The following SEC24C variants were observed in gnomAD, a reference collection of about 807,000 sequenced individuals.
SEC24C encodes SEC24 homolog C, COPII component, also known as protein transport protein Sec24C.
A neutral mutation model predicts 117.0 loss-of-function variants in SEC24C; 22 were observed. The ratio of observed to expected loss-of-function variants is 0.19; its 90% CI spans 0.13 to 0.27. SEC24C has a LOEUF of 0.27. SEC24C is among the 10% of genes least tolerant of loss of function. SEC24C has a pLI of 1.00. For synonymous variants in SEC24C, 506 were observed against 529.4 expected, an observed-to-expected ratio of 0.96 and a Z score of 0.61; for missense variants, 1,155 against 1,375.1, an observed-to-expected ratio of 0.84 and a Z score of 2.53.
rs2082991565 is a variant in SEC24C at position 73,771,969 on chromosome 10, T to C, written c.*874T>C. ...CTGGGACACCGCTTGGGCTTTGGTATTGACTGAGTGGCTGACAGTTATCTT... is the reference window on the plus strand; with the variant it reads ...CTGGGACACCGCTTGGGCTTTGGTACTGACTGAGTGGCTGACAGTTATCTT... On this transcript the variant is annotated 3_prime_UTR_variant, in exon 23 of 23. Coordinates refer to ENST00000345254, the MANE Select transcript of SEC24C (RefSeq NM_198597.3). 4.7e-6 allele frequency: 1 copy of C among 211,278 alleles called. No individual in the cohort carries two copies. Among genetic ancestry groups the C allele is most frequent in the Non-Finnish European group, 9.4e-6 (1 of 106,880 alleles). 13.1% of individuals were successfully genotyped at this position (211,278 alleles called of 1,614,324 possible).
chr10:73,765,174 T>C (rs1022205738), intron 8 of SEC24C, among the ~76,000 whole-genome samples: 17 of 152,254 alleles, frequency 1.1e-4, no homozygotes, highest in African/African-American at 3.9e-4. Context: ...TGGCAGCCCC[T>C]AGTCTGATAT....
chr10:73,747,655 ATTTTTTTTTTT>A (rs774177202), intron 2 of SEC24C, among the ~76,000 whole-genome samples: 1 of 84,024 alleles, frequency 1.2e-5, no homozygotes, highest in Non-Finnish European at 2.4e-5. Flanking sequence ...CCTGGCCTGT[ATTTTTTTTTTT>A]TTTTTTTTTT....
At chr10:73,757,283 G>T (rs1426937846) in intron 3 of SEC24C, among the ~76,000 whole-genome samples, 1 of 146,582 alleles carries the variant, frequency 6.8e-6, no homozygotes, top group Non-Finnish European at 1.5e-5. Flanking sequence ...CAACACCTTG[G>T]GAGGCTGAGA....
At chr10:73,758,525 A>G (rs537553140) in intron 3 of SEC24C, among the ~76,000 whole-genome samples, 1 of 152,332 alleles carries the variant, frequency 6.6e-6, no homozygotes, top group African/African-American at 2.4e-5. Flanking sequence ...AAGAAGAAAT[A>G]CTGCATTCTT....
chr10:73,755,684 A>G (rs2082699935), intron 3 of SEC24C, among the ~76,000 whole-genome samples: 1 of 151,892 alleles, frequency 6.6e-6, no homozygotes, highest in African/African-American at 2.4e-5. Flanking sequence ...GTCTCAGGAA[A>G]AAAAAAAAGT....
Position 73,746,771 on chromosome 10 carries a change from G to A in SEC24C, c.-28-34G>A, listed in dbSNP as rs951672772. 4.7e-6 allele frequency: 7 copies of A among 1,484,402 alleles called. No individual in the cohort carries two copies. In the South Asian group the frequency reaches 9.3e-5, roughly 20 times the overall value. The allele number at this position is 1,484,402 out of a possible 1,614,324, so 92.0% of individuals were successfully genotyped here. A position where few individuals can be genotyped will look rare whatever the true frequency, so the allele number is the denominator to read the frequency against. On this transcript the variant is annotated intron_variant, in intron 1 of 22. Coordinates refer to ENST00000345254, the MANE Select transcript of SEC24C (RefSeq NM_198597.3). ...CCTGAATAGTTGCTCTCTTTAGAAAGTTCATTTTGACTAATTTCTCCTCTC... is the reference window on the plus strand; with the variant it reads ...CCTGAATAGTTGCTCTCTTTAGAAAATTCATTTTGACTAATTTCTCCTCTC...
chr10:73,751,840 A>G (rs1362028121), intron 3 of SEC24C: 1 of 152,234 alleles, frequency 6.6e-6, no homozygotes, highest in Non-Finnish European at 1.5e-5. Flanking sequence ...TACATCTTCA[A>G]TAATGGTTGC....
chr10:73,750,268 ATAATGTCTAAT>A (rs2082625025), intron 2 of SEC24C, among the ~76,000 whole-genome samples: 1 of 152,214 alleles, frequency 6.6e-6, no homozygotes, highest in Non-Finnish European at 1.5e-5. Flanking sequence ...GGCAGGTTCT[ATAATGTCTAAT>A]CTCTACTGAG....
chr10:73,765,800 T>A lies in SEC24C; in HGVS notation c.1367T>A (p.Val456Asp). Residue 456 changes from valine to aspartate, a missense_variant and splice_region_variant, in exon 10 of 23, where the codon GTT becomes GAT. This residue lies in a region of SEC24C where 759 missense variants were observed against 992.3 expected (regional missense o/e 0.76). Transcript: ENST00000345254. Reference sequence around the variant, plus strand: ...TAACACACTGCCATGCTTCCCACAGTTCCCCCCCAGTATTTTCAGCACCTG... The same window carrying A: ...TAACACACTGCCATGCTTCCCACAGATCCCCCCCAGTATTTTCAGCACCTG... ...QCCFCSCIND[V>D]PPQYFQHLDH... 1.2e-6 allele frequency: 2 copies of A among 1,613,010 alleles called. No homozygotes were observed. Among genetic ancestry groups the A allele is most frequent in the South Asian group, 1.1e-5 (1 of 91,066 alleles).
At chr10:73,761,918 G>A (rs908391999) in intron 6 of SEC24C, among the ~76,000 whole-genome samples, 2 of 152,054 alleles carry the variant, frequency 1.3e-5, no homozygotes, top group African/African-American at 2.4e-5. Context: ...TAAAGCCTCT[G>A]TGTTGGGCCA....
chr10:73,759,771 C>T lies in SEC24C; in HGVS notation c.458C>T (p.Pro153Leu), dbSNP rs1411810054. 4 of 1,596,590 alleles carry T rather than the reference C, an allele frequency of 2.5e-6. No homozygotes were observed. Among genetic ancestry groups the T allele is most frequent in the Non-Finnish European group, 2.6e-6 (3 of 1,173,908 alleles). The change falls in exon 4 of 23, where the codon CCT (proline) becomes CTT (leucine). Residue 153 changes from proline (P) to leucine (L), a missense_variant. By Grantham distance (98) the Pro-to-Leu change is moderately conservative (BLOSUM62 -3). This residue lies in a region of SEC24C where 396 missense variants were observed against 382.8 expected (regional missense o/e 1.03). Transcript: ENST00000345254. ...ATCAGCGGTGCTGTGGCCCCAGCCCCTCCTTCTTCAGGGCTGGGCTTTGGT... is the reference window on the plus strand; with the variant it reads ...ATCAGCGGTGCTGTGGCCCCAGCCCTTCCTTCTTCAGGGCTGGGCTTTGGT... ...MQISGAVAPA[P>L]PSSGLGFGPP...
At position 73,771,342 on chromosome 10, in the gene SEC24C, T is replaced by G; in HGVS notation, c.*247T>G. On this transcript the variant is annotated 3_prime_UTR_variant, in exon 23 of 23. Coordinates refer to ENST00000345254, the MANE Select transcript of SEC24C (RefSeq NM_198597.3). ...TTCCTGCTAATCCTGTCATAATGAATGTAGCTTCTCAGTTCACTGTATATG... is the reference window on the plus strand; with the variant it reads ...TTCCTGCTAATCCTGTCATAATGAAGGTAGCTTCTCAGTTCACTGTATATG... The G allele has an allele frequency of 2.0e-6, 1 of 511,072 alleles. No individual in the cohort carries two copies. The allele number at this position is 511,072 out of a possible 1,614,324, so 31.7% of individuals were successfully genotyped here. A position where few individuals can be genotyped will look rare whatever the true frequency, so the allele number is the denominator to read the frequency against.
Position 73,766,668 on chromosome 10 carries a change from T to TG in SEC24C, c.1800-92_1800-91insG. The TG allele has an allele frequency of 4.1e-6, 6 of 1,451,340 alleles. No homozygotes were observed. The East Asian group carries it at 1.4e-4, about 33-fold the overall frequency. 89.9% of individuals were successfully genotyped at this position (1,451,340 alleles called of 1,614,324 possible). ...TTGTGGCCCAGGAGTTGTCAGATTC[T>TG]AGAGGCTTGATGACTCTTCAGGGAA... is the stretch of plus-strand genomic sequence containing the variant. On this transcript the variant is annotated intron_variant, in intron 12 of 22. Transcript: ENST00000345254.
At position 73,766,520 on chromosome 10, in the gene SEC24C, A is replaced by C. The variant is rs143392940; in HGVS notation, c.1778A>C (p.Glu593Ala). The part of the protein sequence containing the change: ...LLDGFLVNVN[E>A]SRAVITSLLD... ...GATGGCTTCCTGGTCAACGTCAATG[A>C]GTCTCGGGCAGTTATCACCAGGTAA... The change falls in exon 12 of 23, where the codon GAG (glutamate) becomes GCG (alanine). Residue 593 changes from glutamate to alanine, a missense_variant. Transcript: ENST00000345254. 6.2e-7 allele frequency: 1 copy of C among 1,610,054 alleles called. No homozygotes were observed. The highest frequency in any genetic ancestry group is 8.5e-7 in the Non-Finnish European group (1 of 1,179,192).
Position 73,769,105 on chromosome 10 carries a change from T to C in SEC24C, c.2377T>C (p.Phe793Leu). 1 of 1,613,034 alleles carries C rather than the reference T, an allele frequency of 6.2e-7. No homozygotes were observed. The highest frequency in any genetic ancestry group is 8.5e-7 in the Non-Finnish European group (1 of 1,179,742). The change falls in exon 17 of 23, where the codon TTC becomes CTC. Residue 793 changes from phenylalanine (F) to leucine (L), a missense_variant. This residue lies in a region of SEC24C where 759 missense variants were observed against 992.3 expected (regional missense o/e 0.76). Coordinates refer to ENST00000345254, the MANE Select transcript of SEC24C (RefSeq NM_198597.3). The surrounding 1 kb of genome is among the most constrained non-coding windows in gnomAD (Gnocchi z 4.5). ...LDGDKTVTVE[F>L]KHDDRLNEES... is the part of the protein sequence containing the mutation. ...TGGGGACAAAACAGTGACTGTGGAG[T>C]TCAAGCATGACGATCGGCTCAATGA...
intron 1 of SEC24C, among the ~76,000 whole-genome samples, chr10:73,745,591 C>T (rs1323244989): frequency 1.3e-5 from 2 of 151,604 alleles, no homozygotes; most frequent in African/African-American, 4.8e-5. Flanking sequence ...CTCTATTGCT[C>T]AGGCTGGAGT....
intron 2 of SEC24C, among the ~76,000 whole-genome samples, chr10:73,748,237 G>T (rs2082590060): frequency 6.6e-6 from 1 of 151,822 alleles, no homozygotes; most frequent in Admixed American, 6.6e-5. Flanking sequence ...CCAGATTCAA[G>T]CAATTCTCCT....
chr10:73,768,784 A>G (rs1306092214), intron 15 of SEC24C, 26 bp from the exon 16 acceptor site: 1 of 1,609,512 alleles, frequency 6.2e-7, no homozygotes, highest in Non-Finnish European at 8.5e-7. Flanking sequence ...AGTCAGTGAC[A>G]TGACTCTGGA....
intron 2 of SEC24C, among the ~76,000 whole-genome samples, chr10:73,749,035 G>A (rs1175169816): frequency 6.6e-6 from 1 of 152,138 alleles, no homozygotes; most frequent in Non-Finnish European, 1.5e-5. Context: ...AAGCCACCAC[G>A]CCCAGCTGTC....
Sources: allele counts gnomAD v4.1 joint callset (sites outside exome capture counted in the v4.1 genomes callset), GRCh38; gene constraint gnomAD v4.1.1; regional missense constraint gnomAD v4.1.1; non-coding constraint Gnocchi (gnomAD v3.1); transcripts MANE v1.5; gene names NCBI Gene and HGNC (gene_info 2026-07-23, HGNC 2026-07-21).